Variants in EEA1 observed in about 807,000 individuals in gnomAD.
EEA1 encodes the protein early endosome antigen 1.
EEA1 carries 111 observed loss-of-function variants against 209.2 expected under a neutral mutation model. The ratio of observed to expected loss-of-function variants is 0.53; its 90% CI spans 0.45 to 0.62. The LOEUF is 0.62. EEA1 is among the 20% of genes least tolerant of loss of function. The pLI is 0.00. For missense variants in EEA1, 1,343 were observed against 1,530.8 expected (o/e 0.88, Z 2.05); for synonymous variants, 536 against 540.6 (o/e 0.99, Z 0.12).
intron 17 of EEA1, 102 bp downstream of exon 17, chr12:92,811,177 C>A: frequency 1.2e-6 from 1 of 826,076 alleles, no homozygotes. Flanking sequence ...CACAACTTCA[C>A]CTTTCTTTGT....
chr12:92,816,125 A>G, intron 15 of EEA1, 75 bp downstream of exon 15: 1 of 1,335,844 alleles, frequency 7.5e-7, no homozygotes, highest in South Asian at 1.3e-5. Context: ...CAAGGTAAAA[A>G]GAGATAGAAA....
intron 2 of EEA1, among the ~76,000 whole-genome samples, chr12:92,888,831 G>A (rs1297675486): frequency 1.3e-5 from 2 of 152,010 alleles, no homozygotes; most frequent in African/African-American, 4.8e-5. Flanking sequence ...AGAAAAGTAT[G>A]TTAGACATTA....
At chr12:92,849,260 ATTT>A (rs1035887703) in intron 9 of EEA1, among the ~76,000 whole-genome samples, 3 of 151,596 alleles carry the variant, frequency 2.0e-5, no homozygotes, top group Non-Finnish European at 4.4e-5. Context: ...AAGGGAGTGT[ATTT>A]TTTTTTAATT....
At chr12:92,830,496 C>T (rs1164680464) in intron 11 of EEA1, among the ~76,000 whole-genome samples, 1 of 151,790 alleles carries the variant, frequency 6.6e-6, no homozygotes, top group African/African-American at 2.4e-5. Flanking sequence ...CTATAAGGAG[C>T]ATGATCTTGT....
At chr12:92,897,204 C>A (rs1420719477) in intron 1 of EEA1, among the ~76,000 whole-genome samples, 1 of 152,224 alleles carries the variant, frequency 6.6e-6, no homozygotes, top group Non-Finnish European at 1.5e-5. Flanking sequence ...CTCCCTTTGA[C>A]CTTTCCTTTG....
chr12:92,865,820 A>G (rs1459338136), intron 2 of EEA1, among the ~76,000 whole-genome samples: 2 of 151,514 alleles, frequency 1.3e-5, no homozygotes, highest in African/African-American at 4.9e-5. Context: ...ATCTTGGCTC[A>G]CTGCAAACCT....
intron 10 of EEA1, among the ~76,000 whole-genome samples, chr12:92,840,382 G>A (rs765283112): frequency 7.9e-5 from 12 of 152,178 alleles, no homozygotes; most frequent in South Asian, 2.1e-4. Flanking sequence ...GCATGATCTC[G>A]GCTCACTGCA....
chr12:92,908,097 GGATA>G (rs1448837992), intron 1 of EEA1, among the ~76,000 whole-genome samples: 1 of 152,158 alleles, frequency 6.6e-6, no homozygotes, highest in Admixed American at 6.6e-5. Context: ...ACGGATGAAT[GGATA>G]AACAAAAGGT....
chr12:92,869,417 A>T (rs2136728576), intron 2 of EEA1, among the ~76,000 whole-genome samples: 1 of 152,016 alleles, frequency 6.6e-6, no homozygotes, highest in Non-Finnish European at 1.5e-5. Context: ...AACTTAAGGT[A>T]CTCCTGTTGT....
In EEA1 at chr12:92,826,229, CTTTGT is replaced by C; in HGVS notation, c.1456_1460del (p.Thr486AlafsTer23). The C allele has an allele frequency of 1.2e-6, 2 of 1,613,566 alleles. No individual in the cohort carries two copies. Among genetic ancestry groups the C allele is most frequent in the Non-Finnish European group, 1.7e-6 (2 of 1,179,662 alleles). On this transcript the variant is annotated frameshift_variant, in exon 13 of 29. Coordinates refer to ENST00000322349, the MANE Select transcript of EEA1 (RefSeq NM_003566.4). LOFTEE classifies it high-confidence loss of function. ...GAGCCTGTTGTTCTTGATGCTGTTGCTTTGTTTTATCTAATTGATGCTGCAATTCT... is the reference window on the plus strand; with the variant it reads ...GAGCCTGTTGTTCTTGATGCTGTTGCTTTATCTAATTGATGCTGCAATTCT...
chr12:92,819,550 A>G (rs962692646), intron 13 of EEA1, 39 bp from the exon 14 acceptor site: 4 of 1,401,568 alleles, frequency 2.9e-6, no homozygotes, highest in Non-Finnish European at 2.9e-6. Context: ...AGAATAGAGA[A>G]CTTAAAAAGT....
At chr12:92,910,336 G>A (rs1880533874) in intron 1 of EEA1, among the ~76,000 whole-genome samples, 1 of 151,432 alleles carries the variant, frequency 6.6e-6, no homozygotes, top group Admixed American at 6.6e-5. Context: ...GGGCATGGTG[G>A]TGCGCACCTG....
intron 1 of EEA1, among the ~76,000 whole-genome samples, chr12:92,917,480 T>C (rs1360508100): frequency 1.3e-5 from 2 of 150,468 alleles, no homozygotes; most frequent in Non-Finnish European, 3.0e-5. Flanking sequence ...CAAAATTTCA[T>C]ATCCAGCCAA....
intron 2 of EEA1, among the ~76,000 whole-genome samples, chr12:92,885,650 G>A (rs189358970): frequency 1.9e-4 from 29 of 152,174 alleles, no homozygotes; most frequent in African/African-American, 5.5e-4. Flanking sequence ...CCCAGTTAAC[G>A]GCACCTCTCT....
At chr12:92,928,972 G>T in intron 1 of EEA1, 71 bp downstream of exon 1, 1 of 1,503,760 alleles carries the variant, frequency 6.6e-7, no homozygotes, top group South Asian at 1.2e-5. Flanking sequence ...GAGGAGGGGC[G>T]CCCGCGCCGC....
At chr12:92,883,228 G>A (rs760945968) in intron 2 of EEA1, among the ~76,000 whole-genome samples, 10 of 152,080 alleles carry the variant, frequency 6.6e-5, no homozygotes, top group South Asian at 2.1e-4. Flanking sequence ...GTGTCTGTTC[G>A]TGTCTTTTGA....
chr12:92,895,292 G>C lies in EEA1; in HGVS notation c.25-3571C>G, dbSNP rs1225796338. 2.6e-5 allele frequency: 4 copies of C among 152,016 alleles called. 1 individual carries two copies. Among genetic ancestry groups the C allele is most frequent in the African/African-American group, 9.7e-5 (4 of 41,286 alleles). 9.4% of individuals were successfully genotyped at this position (152,016 alleles called of 1,614,324 possible). A position where few individuals can be genotyped will look rare whatever the true frequency, so the allele number is the denominator to read the frequency against. On this transcript the variant is annotated intron_variant, in intron 1 of 28. Transcript: ENST00000322349. ...CGCCTCAGTCTCCTGCCTCAGAGTA[G>C]CTGGGACTACAGGTGCCTGCCACCA...
intron 1 of EEA1, among the ~76,000 whole-genome samples, chr12:92,898,429 T>C (rs1036173446): frequency 6.6e-6 from 1 of 152,122 alleles, no homozygotes; most frequent in Non-Finnish European, 1.5e-5. Context: ...TTTGGGAGGC[T>C]GAGGTGGGTG....
At chr12:92,797,458 C>G (rs1367854978) in intron 21 of EEA1, among the ~76,000 whole-genome samples, 2 of 152,086 alleles carry the variant, frequency 1.3e-5, no homozygotes, top group Non-Finnish European at 1.5e-5. Flanking sequence ...ATTTTCAACT[C>G]CAACTGCAGT....
Sources: gnomAD v4.1 joint callset for allele counts (sites outside exome capture counted in the v4.1 genomes callset) on GRCh38, gnomAD v4.1.1 for gene constraint, MANE v1.5 for transcripts, NCBI Gene and HGNC (gene_info 2026-07-23, HGNC 2026-07-21) for gene names.